The following WDR89 variants were observed in gnomAD, a reference collection of about 807,000 sequenced individuals.
WDR89 encodes the protein WD repeat-containing protein 89.
A neutral mutation model predicts 29.1 loss-of-function variants in WDR89; 17 were observed. The observed-to-expected ratio is 0.58, with a 90% CI of 0.40 to 0.88. The LOEUF is 0.88. Among genes scored for constraint, WDR89 ranks in the 40% least tolerant of loss-of-function variants. The pLI is 0.00. For synonymous variants in WDR89, 138 were observed against 157.8 expected (o/e 0.87, Z 0.94); for missense variants, 396 against 456.3 (o/e 0.87, Z 1.20).
intron 2 of WDR89, among the ~76,000 whole-genome samples, chr14:63,610,621 C>CTGTTA (rs1228567467): frequency 6.6e-6 from 1 of 151,712 alleles, no homozygotes; most frequent in Non-Finnish European, 1.5e-5. Context: ...TCATTCACCT[C>CTGTTA]TGTTATGTTA....
intron 1 of WDR89, among the ~76,000 whole-genome samples, chr14:63,635,829 C>T (rs1883698502): frequency 6.6e-6 from 1 of 152,162 alleles, no homozygotes; most frequent in African/African-American, 2.4e-5. Context: ...TTCTATACAT[C>T]AACAGCGACC....
chr14:63,633,226 T>C (rs1434570562), intron 1 of WDR89, among the ~76,000 whole-genome samples: 1 of 152,110 alleles, frequency 6.6e-6, no homozygotes, highest in Non-Finnish European at 1.5e-5. Flanking sequence ...CTTTTATGTA[T>C]AAATATGTGT....
intron 2 of WDR89, among the ~76,000 whole-genome samples, chr14:63,600,406 G>A (rs975439676): frequency 6.6e-6 from 1 of 152,038 alleles, no homozygotes; most frequent in African/African-American, 2.4e-5. Flanking sequence ...TGAGGTAGGA[G>A]GACTGCTTGA....
chr14:63,613,604 A>G (rs1882125716), intron 2 of WDR89, among the ~76,000 whole-genome samples: 1 of 151,338 alleles, frequency 6.6e-6, no homozygotes, highest in Non-Finnish European at 1.5e-5. Context: ...CCTGGATTCA[A>G]GCAATTCTCT....
chr14:63,619,108 G>A (rs904087155), intron 2 of WDR89, among the ~76,000 whole-genome samples: 9 of 152,162 alleles, frequency 5.9e-5, no homozygotes, highest in East Asian at 1.9e-4. Context: ...GAGCACCAAC[G>A]GTCGGCAGGT....
chr14:63,630,117 T>G (rs897863083), intron 1 of WDR89, among the ~76,000 whole-genome samples: 3 of 151,886 alleles, frequency 2.0e-5, no homozygotes, highest in Non-Finnish European at 4.4e-5. Context: ...CCGGCTAATT[T>G]TTGTATTTTT....
chr14:63,631,422 G>C (rs973302343), intron 1 of WDR89, among the ~76,000 whole-genome samples: 3 of 152,160 alleles, frequency 2.0e-5, no homozygotes, highest in African/African-American at 7.2e-5. Flanking sequence ...CTGGAGTGCA[G>C]TGGTGCAACT....
At chr14:63,625,303 T>C (rs556588057) in intron 1 of WDR89, among the ~76,000 whole-genome samples, 1 of 152,312 alleles carries the variant, frequency 6.6e-6, no homozygotes, top group Non-Finnish European at 1.5e-5. Context: ...GGGAGGCCAT[T>C]GATTATTAAG....
At chr14:63,622,612 C>A (rs1402261369) in intron 2 of WDR89, among the ~76,000 whole-genome samples, 1 of 149,848 alleles carries the variant, frequency 6.7e-6, no homozygotes, top group African/African-American at 2.5e-5. Flanking sequence ...AACAAAAAAA[C>A]CAAAAGTAGC....
rs138810519 is a variant in WDR89, at chr14:63,637,553, GGTGT to G, written c.-138+4247_-138+4250del. 2.2e-4 allele frequency among the ~76,000 whole-genome samples: 34 copies of G among 151,534 alleles called. No individual in the cohort carries two copies. The South Asian group carries it at 5.6e-3, about 25-fold the overall frequency. ...ACAAGTGGATAAAGACACTGTGGTG[GGTGT>G]GTGTGTGTGTATATATATGTGTGTG... On this transcript the variant is annotated intron_variant, in intron 1 of 2. Coordinates refer to ENST00000620954, the MANE Select transcript of WDR89 (RefSeq NM_080666.4).
chr14:63,627,755 A>G (rs1231686248), intron 1 of WDR89, among the ~76,000 whole-genome samples: 3 of 152,092 alleles, frequency 2.0e-5, no homozygotes, highest in Admixed American at 6.6e-5. Context: ...ATTTCTTCTT[A>G]TAAGTGAGTA....
At chr14:63,636,696 G>T (rs1883760054) in intron 1 of WDR89, among the ~76,000 whole-genome samples, 1 of 152,160 alleles carries the variant, frequency 6.6e-6, no homozygotes, top group African/African-American at 2.4e-5. Context: ...ATGGTGCTGG[G>T]ATAATTGGCT....
At chr14:63,629,144 G>A (rs1883246752) in intron 1 of WDR89, among the ~76,000 whole-genome samples, 2 of 152,086 alleles carry the variant, frequency 1.3e-5, no homozygotes, top group East Asian at 1.9e-4. Flanking sequence ...AAACATCAGT[G>A]TTAGGCACTC....
chr14:63,618,434 C>A (rs937352428), intron 2 of WDR89, among the ~76,000 whole-genome samples: 1 of 152,140 alleles, frequency 6.6e-6, no homozygotes, highest in Non-Finnish European at 1.5e-5. Flanking sequence ...GGATTATAAG[C>A]AGGAGGCAGT....
At chr14:63,640,014 G>C (rs1005307545) in intron 1 of WDR89, among the ~76,000 whole-genome samples, 5 of 152,114 alleles carry the variant, frequency 3.3e-5, no homozygotes, top group Non-Finnish European at 7.3e-5. Flanking sequence ...TAGTTACATG[G>C]GCTTGATCTT....
chr14:63,615,861 T>C (rs993167338), intron 2 of WDR89, among the ~76,000 whole-genome samples: 4 of 151,134 alleles, frequency 2.6e-5, no homozygotes, highest in Non-Finnish European at 2.9e-5. Context: ...GAGGCAGAGG[T>C]TGCAGTGAGC....
At chr14:63,615,543 A>G (rs1473194110) in intron 2 of WDR89, among the ~76,000 whole-genome samples, 1 of 152,252 alleles carries the variant, frequency 6.6e-6, no homozygotes, top group African/African-American at 2.4e-5. Context: ...AGAGCCAGCT[A>G]CTTAAATCTT....
chr14:63,618,684 GAAAA>G (rs1374966855), intron 2 of WDR89, among the ~76,000 whole-genome samples: 1 of 151,390 alleles, frequency 6.6e-6, no homozygotes, highest in African/African-American at 2.4e-5. Flanking sequence ...AAATAGAAAA[GAAAA>G]AAACAAACAA....
chr14:63,621,485 C>A (rs1416995101), intron 2 of WDR89, among the ~76,000 whole-genome samples: 1 of 152,012 alleles, frequency 6.6e-6, no homozygotes, highest in Non-Finnish European at 1.5e-5. Context: ...GTAATCCCAG[C>A]TACTAGGGAG....
Sources: gnomAD v4.1 joint callset for allele counts (sites outside exome capture counted in the v4.1 genomes callset) on GRCh38, gnomAD v4.1.1 for gene constraint, MANE v1.5 for transcripts, NCBI Gene and HGNC (gene_info 2026-07-23, HGNC 2026-07-21) for gene names.